The following LYZ variants were observed in gnomAD, a reference collection of about 807,000 sequenced individuals.
The protein encoded by LYZ is lysozyme, also known as lysozyme C.
Under a neutral mutation model 15.8 loss-of-function variants are expected in LYZ, and 18 were observed. The observed-to-expected ratio is 1.14, with a 90% CI of 0.79 to 1.69. The LOEUF is 1.69. Among genes scored for constraint, LYZ ranks in the 40% most tolerant of loss-of-function variants. The pLI is 0.00. For missense variants in LYZ, 139 were observed against 182.8 expected, an observed-to-expected ratio of 0.76 and a Z score of 1.38; for synonymous variants, 60 against 61.7, an observed-to-expected ratio of 0.97 and a Z score of 0.13.
Position 69,352,309 on chromosome 12 carries a change from A to C in LYZ, c.380+11A>C, listed in dbSNP as rs761096773. 1 of 1,605,516 alleles carries C rather than the reference A, an allele frequency of 6.2e-7. No individual in the cohort carries two copies. The highest frequency in any genetic ancestry group is 1.7e-5 in the Admixed American group (1 of 60,000). On this transcript the variant is annotated intron_variant, in intron 3 of 3. Coordinates refer to ENST00000261267, the MANE Select transcript of LYZ (RefSeq NM_000239.3). ...AGGCATTAGAGCATGGTATGTTTTAAGTGTTAAAAGGGAAAACTATCTTAC... is the reference window on the plus strand; with the variant it reads ...AGGCATTAGAGCATGGTATGTTTTACGTGTTAAAAGGGAAAACTATCTTAC...
chr12:69,350,737 C>CTTTTTTTTTTTTTTTTTTTTTT (rs60163961), intron 2 of LYZ, among the ~76,000 whole-genome samples: 6 of 26,012 alleles, frequency 2.3e-4, no homozygotes, highest in African/African-American at 4.0e-4. Context: ...TCTTCTATGC[C>CTTTTTTTTTTTTTTTTTTTTTT]TTTTTTTTTT....
At chr12:69,351,890 T>C (rs868149176) in intron 2 of LYZ, among the ~76,000 whole-genome samples, 3 of 152,228 alleles carry the variant, frequency 2.0e-5, no homozygotes, top group African/African-American at 7.2e-5. Flanking sequence ...GCATTTCTTA[T>C]TTCTTTTGGA....
At chr12:69,348,682 A>G in intron 1 of LYZ, 138 bp downstream of exon 1, 8 of 1,096,904 alleles carry the variant, frequency 7.3e-6, no homozygotes, top group African/African-American at 1.6e-5. Flanking sequence ...ATGGCTAAAA[A>G]CATCAGTTTG....
intron 2 of LYZ, 171 bp downstream of exon 2, chr12:69,350,443 G>A (rs1874818204): frequency 1.5e-6 from 1 of 666,022 alleles, no homozygotes; most frequent in African/African-American, 1.8e-5. Flanking sequence ...TTAAAGAAGT[G>A]GTATCATAAA....
Position 69,353,287 on chromosome 12 carries a change from G to A in LYZ, c.*68G>A, listed in dbSNP as rs1286898522. ...TTAAGGGAGTAGGAATTAAGTGAAA[G>A]GTCACACTACCATTATTTCCCCTTC... On this transcript the variant is annotated 3_prime_UTR_variant, in exon 4 of 4. Transcript: ENST00000261267. 1 of 1,149,460 alleles carries A rather than the reference G, an allele frequency of 8.7e-7. No homozygotes were observed. Among genetic ancestry groups the A allele is most frequent in the South Asian group, 1.2e-5 (1 of 81,700 alleles). 71.2% of individuals were successfully genotyped at this position (1,149,460 alleles called of 1,614,324 possible).
At position 69,348,499 on chromosome 12, in the gene LYZ, A is replaced by G; in HGVS notation, c.91A>G (p.Lys31Glu). 6.2e-7 allele frequency: 1 copy of G among 1,614,186 alleles called. No individual in the cohort carries two copies. The highest frequency in any genetic ancestry group is 8.5e-7 in the Non-Finnish European group (1 of 1,180,030). ...FERCELARTLKRLGMDGYRGI... is the reference protein window; with the variant it reads ...FERCELARTLERLGMDGYRGI... ...AAGGTGTGAGTTGGCCAGAACTCTG[A>G]AAAGATTGGGAATGGATGGCTACAG... Residue 31 changes from lysine (K) to glutamate (E), a missense_variant, in exon 1 of 4, where the codon AAA becomes GAA. Transcript: ENST00000261267.
intron 1 of LYZ, 127 bp from the exon 2 acceptor site, chr12:69,349,976 ATATTT>A: frequency 2.7e-6 from 2 of 753,668 alleles, no homozygotes; most frequent in Non-Finnish European, 4.5e-6. Context: ...AAGTGCTAAG[ATATTT>A]TATAAGTAAA....
Position 69,350,146 on chromosome 12 carries a change from C to T in LYZ, c.175C>T (p.Arg59Ter), listed in dbSNP as rs374990260. ...LAKWESGYNT[R>*]ATNYNAGDRS... ...CAAATGGGAGAGTGGTTACAACACA[C>T]GAGCTACAAACTACAATGCTGGAGA... Residue 59 changes from arginine (R) to a stop codon, truncating the protein, a stop_gained, in exon 2 of 4, where the codon CGA becomes TGA. Transcript: ENST00000261267. LOFTEE classifies it high-confidence loss of function. The T allele has an allele frequency of 3.2e-5, 51 of 1,613,980 alleles. No homozygotes were observed. The highest frequency in any genetic ancestry group is 1.8e-4 in the East Asian group (8 of 44,882).
intron 2 of LYZ, 85 bp from the exon 3 acceptor site, chr12:69,352,135 C>T (rs1874855450): frequency 1.2e-6 from 1 of 848,286 alleles, no homozygotes; most frequent in Middle Eastern, 2.5e-4. Context: ...ATTCTTTCCA[C>T]AGCCTAACAG....
Position 69,350,105 on chromosome 12 carries a change from C to T in LYZ, c.137-3C>T. On this transcript the variant is annotated splice_polypyrimidine_tract_variant and splice_region_variant and intron_variant, in intron 1 of 3. Transcript: ENST00000261267. ...TTTATTACTAAAAATAAGTTCTTTT[C>T]AGGGATGTGTTTGGCCAAATGGGAG... 6.2e-7 allele frequency: 1 copy of T among 1,613,830 alleles called. No individual in the cohort carries two copies. The highest frequency in any genetic ancestry group is 8.5e-7 in the Non-Finnish European group (1 of 1,179,850).
chr12:69,353,022 G>C (rs965074721), intron 3 of LYZ, 131 bp from the exon 4 acceptor site: 18 of 730,980 alleles, frequency 2.5e-5, no homozygotes, highest in Non-Finnish European at 4.2e-5. Context: ...TTAATAAATA[G>C]CAATAGCTGG....
In LYZ at chr12:69,353,682, G is replaced by T. The variant is rs550189893; in HGVS notation, c.*463G>T. ...TTTTTGTATTTTTAGTAGAGACAGGGTTTCACCGTGTTAGCCAGGATGGTC... is the reference window on the plus strand; with the variant it reads ...TTTTTGTATTTTTAGTAGAGACAGGTTTTCACCGTGTTAGCCAGGATGGTC... On this transcript the variant is annotated 3_prime_UTR_variant, in exon 4 of 4. Coordinates refer to ENST00000261267, the MANE Select transcript of LYZ (RefSeq NM_000239.3). 1.9e-5 allele frequency: 4 copies of T among 215,982 alleles called. No individual in the cohort carries two copies. The highest frequency in any genetic ancestry group is 5.3e-5 in the Admixed American group (1 of 18,742). 13.4% of individuals were successfully genotyped at this position (215,982 alleles called of 1,614,324 possible).
Sources: allele counts gnomAD v4.1 joint callset (sites outside exome capture counted in the v4.1 genomes callset), GRCh38; gene constraint gnomAD v4.1.1; transcripts MANE v1.5; gene names NCBI Gene and HGNC (gene_info 2026-07-23, HGNC 2026-07-21).